The following GREB1L variants were observed in gnomAD, a reference collection of about 807,000 sequenced individuals.
GREB1L encodes GREB1 like retinoic acid receptor coactivator.
In GREB1L, 17 loss-of-function variants were observed where a neutral mutation model predicts 200.8. The observed-to-expected ratio is 0.08, with a 90% CI of 0.06 to 0.13. GREB1L has a LOEUF of 0.13. GREB1L is among the 10% of genes least tolerant of loss of function. The probability of loss-of-function intolerance (pLI) is 1.00; values close to 1 mark genes in which losing one functional copy is unlikely to be tolerated. For missense variants in GREB1L, 1,657 were observed against 2,367.7 expected (o/e 0.70, Z 6.23); for synonymous variants, 789 against 893.0 (o/e 0.88, Z 2.08).
intron 2 of GREB1L, among the ~76,000 whole-genome samples, chr18:21,375,937 G>A (rs2040053149): frequency 6.6e-6 from 1 of 151,918 alleles, no homozygotes; most frequent in African/African-American, 2.4e-5. Flanking sequence ...AATAACAACA[G>A]CTACTATTAT....
chr18:21,410,352 A>G (rs2030813471), intron 7 of GREB1L, among the ~76,000 whole-genome samples: 1 of 151,950 alleles, frequency 6.6e-6, no homozygotes, highest in African/African-American at 2.4e-5. Flanking sequence ...AGGTGAATAT[A>G]TTATTATAAT....
chr18:21,494,581 G>T (rs1004636034), intron 19 of GREB1L, among the ~76,000 whole-genome samples: 23 of 151,660 alleles, frequency 1.5e-4, no homozygotes, highest in African/African-American at 5.3e-4. Context: ...ACCTGTCCAC[G>T]GCACTCCAGC....
intron 1 of GREB1L, among the ~76,000 whole-genome samples, chr18:21,258,502 C>A (rs1326981155): frequency 6.6e-6 from 1 of 152,150 alleles, no homozygotes; most frequent in Non-Finnish European, 1.5e-5. Context: ...CTAGGCCAAA[C>A]TTCCTTCTGA....
intron 16 of GREB1L, among the ~76,000 whole-genome samples, chr18:21,476,580 G>T (rs1390868541): frequency 6.8e-6 from 1 of 147,422 alleles, no homozygotes; most frequent in Non-Finnish European, 1.5e-5. Flanking sequence ...TTGGGGTTTT[G>T]TTTTTTTTTT....
chr18:21,467,751 G>C (rs1432076853), intron 15 of GREB1L, among the ~76,000 whole-genome samples: 1 of 152,134 alleles, frequency 6.6e-6, no homozygotes, highest in African/African-American at 2.4e-5. Flanking sequence ...TGAGCCGGGC[G>C]CAGTGGCTCA....
At chr18:21,497,615 T>C (rs2036596153) in intron 21 of GREB1L, among the ~76,000 whole-genome samples, 2 of 150,606 alleles carry the variant, frequency 1.3e-5, no homozygotes, top group South Asian at 2.1e-4. Context: ...CTGCACTCCA[T>C]TCTGGGTGAC....
intron 7 of GREB1L, among the ~76,000 whole-genome samples, chr18:21,409,697 G>C (rs574639303): frequency 6.6e-6 from 1 of 152,228 alleles, no homozygotes; most frequent in African/African-American, 2.4e-5. Context: ...ACAGGGCTGG[G>C]AGTCAGAGTT....
At chr18:21,458,162 G>T (rs2034864263) in intron 15 of GREB1L, among the ~76,000 whole-genome samples, 1 of 151,960 alleles carries the variant, frequency 6.6e-6, no homozygotes, top group Admixed American at 6.6e-5. Flanking sequence ...GTAGAGACAG[G>T]GTTTCTCCAT....
intron 15 of GREB1L, among the ~76,000 whole-genome samples, chr18:21,460,140 CTTGTT>C (rs764481692): frequency 3.3e-5 from 5 of 152,082 alleles, no homozygotes; most frequent in East Asian, 1.9e-4. Context: ...GTACTAAATT[CTTGTT>C]TTGTTTTGTT....
intron 7 of GREB1L, among the ~76,000 whole-genome samples, chr18:21,406,769 A>C (rs572564891): frequency 2.7e-4 from 41 of 152,052 alleles, no homozygotes; most frequent in Non-Finnish European, 5.1e-4. Flanking sequence ...AGTTTAATGC[A>C]CTATTTGCAT....
chr18:21,377,865 G>A (rs1310917639), intron 2 of GREB1L, among the ~76,000 whole-genome samples: 1 of 151,944 alleles, frequency 6.6e-6, no homozygotes, highest in Non-Finnish European at 1.5e-5. Context: ...AGCCGGGGTA[G>A]CGCTATTGCA....
At chr18:21,282,275 TAAAA>T (rs1199022409) in intron 1 of GREB1L, among the ~76,000 whole-genome samples, 1 of 151,264 alleles carries the variant, frequency 6.6e-6, no homozygotes, top group Non-Finnish European at 1.5e-5. Flanking sequence ...CCCCATCTCT[TAAAA>T]AAAAATTATG....
intron 27 of GREB1L, among the ~76,000 whole-genome samples, chr18:21,512,415 A>G (rs1598954069): frequency 6.6e-6 from 1 of 152,136 alleles, no homozygotes; most frequent in African/African-American, 2.4e-5. Context: ...GTTGATTCCT[A>G]AGTCTTTCTT....
At chr18:21,332,849 G>A (rs900574590) in intron 1 of GREB1L, among the ~76,000 whole-genome samples, 3 of 152,260 alleles carry the variant, frequency 2.0e-5, no homozygotes, top group African/African-American at 7.2e-5. Context: ...GGAAGGCTGA[G>A]ATGGTAGAAT....
At chr18:21,324,584 G>A (rs772828020) in intron 1 of GREB1L, among the ~76,000 whole-genome samples, 3 of 152,198 alleles carry the variant, frequency 2.0e-5, no homozygotes, top group South Asian at 2.1e-4. Context: ...GGCTGAGGCA[G>A]GCAGATCACA....
At chr18:21,444,077 G>A in intron 10 of GREB1L, 147 bp from the exon 11 acceptor site, 1 of 559,126 alleles carries the variant, frequency 1.8e-6, no homozygotes, top group South Asian at 2.8e-5. Flanking sequence ...AATTCCCTGG[G>A]ATTGATATGT....
At position 21,496,543 on chromosome 18, in the gene GREB1L, A is replaced by C; in HGVS notation, c.3236A>C (p.Tyr1079Ser). Residue 1079 changes from tyrosine to serine, a missense_variant, in exon 21 of 33, where the codon TAT becomes TCT. Tyr to Ser is a moderately radical substitution (Grantham distance 144). Around this residue, in one of 9 missense-constraint regions of GREB1L, gnomAD observed 512 missense variants for 668.3 expected, o/e 0.77. Coordinates refer to ENST00000424526, the MANE Select transcript of GREB1L (RefSeq NM_001142966.3). ...LEQEVGLACC[Y>S]VSKEVIRGPT... ...CAGGAGGTGGGTCTGGCATGCTGCT[A>C]TGTCTCAAAAGAGGTCATCCGGGGA... 1 of 1,551,692 alleles carries C rather than the reference A, an allele frequency of 6.4e-7. No individual in the cohort carries two copies. Among genetic ancestry groups the C allele is most frequent in the Non-Finnish European group, 8.7e-7 (1 of 1,146,994 alleles).
intron 17 of GREB1L, among the ~76,000 whole-genome samples, chr18:21,483,506 C>G (rs889781572): frequency 2.6e-5 from 4 of 152,200 alleles, no homozygotes; most frequent in African/African-American, 9.7e-5. Flanking sequence ...TCTCCAGTAT[C>G]TCTAGGAACA....
At chr18:21,498,231 GGCA>G (rs1172621304) in intron 21 of GREB1L, among the ~76,000 whole-genome samples, 1 of 152,040 alleles carries the variant, frequency 6.6e-6, no homozygotes, top group African/African-American at 2.4e-5. Context: ...TGTCCATTCT[GGCA>G]GCAGCTGCTG....
Sources: gnomAD v4.1 joint callset for allele counts (sites outside exome capture counted in the v4.1 genomes callset) on GRCh38, gnomAD v4.1.1 for gene constraint, gnomAD v4.1.1 regional missense constraint, MANE v1.5 for transcripts, NCBI Gene and HGNC (gene_info 2026-07-23, HGNC 2026-07-21) for gene names.